SLC25A21: variants seen among roughly 807,000 people sequenced by gnomAD.
The protein encoded by SLC25A21 is solute carrier family 25 member 21.
Under a neutral mutation model 43.8 loss-of-function variants are expected in SLC25A21, and 47 were observed. The observed-to-expected ratio is 1.07, with a 90% confidence interval of 0.85 to 1.37. The LOEUF (loss-of-function observed/expected upper bound fraction) is 1.37. Ranked by LOEUF, SLC25A21 falls within the 40% of genes most tolerant of loss-of-function variation. The probability of loss-of-function intolerance (pLI) is 0.00; values close to 1 mark genes in which losing one functional copy is unlikely to be tolerated. For missense variants in SLC25A21, 352 were observed against 350.2 expected, an observed-to-expected ratio of 1.00 and a Z score of -0.04; for synonymous variants, 131 against 121.3, an observed-to-expected ratio of 1.08 and a Z score of -0.52.
At chr14:37,013,447 C>T (rs7146358) in intron 1 of SLC25A21, among the ~76,000 whole-genome samples, 34,162 of 152,012 alleles carry the variant, frequency 0.22, 4,222 homozygotes, top group South Asian at 0.33. Flanking sequence ...AGGGGGAAAA[C>T]GCTTCATCAG....
At chr14:36,715,256 T>C (rs959686910) in intron 6 of SLC25A21, among the ~76,000 whole-genome samples, 3 of 152,228 alleles carry the variant, frequency 2.0e-5, no homozygotes, top group African/African-American at 7.2e-5. Flanking sequence ...ATAGTGTGTT[T>C]TCTTTCTTCA....
chr14:36,787,700 A>T (rs1227565947), intron 3 of SLC25A21, among the ~76,000 whole-genome samples: 3 of 152,224 alleles, frequency 2.0e-5, no homozygotes, highest in Non-Finnish European at 4.4e-5. Flanking sequence ...GAAACTTTCT[A>T]ACTGAAATAT....
At chr14:37,154,262 CCTGTT>C (rs1251323064) in intron 1 of SLC25A21, among the ~76,000 whole-genome samples, 1 of 152,120 alleles carries the variant, frequency 6.6e-6, no homozygotes, top group Non-Finnish European at 1.5e-5. Context: ...TATCACTAAT[CCTGTT>C]TAGAGCCAAA....
intron 3 of SLC25A21, among the ~76,000 whole-genome samples, chr14:36,781,980 G>C (rs1180916661): frequency 6.6e-6 from 1 of 152,060 alleles, no homozygotes; most frequent in South Asian, 2.1e-4. Flanking sequence ...TTTCTCCTTC[G>C]TTTCTAAAGA....
chr14:36,961,363 C>T lies in SLC25A21; in HGVS notation c.71-86359G>A, dbSNP rs375380251. Among the ~76,000 whole-genome samples, 40 of 152,216 alleles carry T rather than the reference C, an allele frequency of 2.6e-4. No individual in the cohort carries two copies. The East Asian group carries it at 7.4e-3, about 28-fold the overall frequency. On this transcript the variant is annotated intron_variant, in intron 1 of 9. Transcript: ENST00000331299. ...AGTAGCTGGGACTACAGGTGCCTGCCACCGCGCCCAGCTAATTTTTTGTAT... is the reference window on the plus strand; with the variant it reads ...AGTAGCTGGGACTACAGGTGCCTGCTACCGCGCCCAGCTAATTTTTTGTAT...
At chr14:37,011,217 CTTGT>C (rs1379517007) in intron 1 of SLC25A21, among the ~76,000 whole-genome samples, 1 of 152,034 alleles carries the variant, frequency 6.6e-6, no homozygotes, top group Non-Finnish European at 1.5e-5. Context: ...AAGATGAATT[CTTGT>C]TATGTTGCTG....
At chr14:36,828,958 G>A (rs1467915426) in intron 2 of SLC25A21, among the ~76,000 whole-genome samples, 2 of 152,116 alleles carry the variant, frequency 1.3e-5, no homozygotes, top group Non-Finnish European at 2.9e-5. Flanking sequence ...TTGGAGTGGA[G>A]TGGTGAAATC....
intron 3 of SLC25A21, among the ~76,000 whole-genome samples, chr14:36,780,080 A>C (rs1234257355): frequency 6.6e-6 from 1 of 151,796 alleles, no homozygotes; most frequent in Non-Finnish European, 1.5e-5. Context: ...GTAGGCTGTA[A>C]ATTTTTAGGA....
intron 2 of SLC25A21, among the ~76,000 whole-genome samples, chr14:36,858,223 C>T (rs1426398854): frequency 2.6e-5 from 4 of 152,126 alleles, no homozygotes; most frequent in South Asian, 2.1e-4. Context: ...TGTGGTGTCT[C>T]CATCTCTGCC....
Position 36,874,955 on chromosome 14 carries a change from C to T in SLC25A21, c.119+1G>A, listed in dbSNP as rs1890475682. 3 of 1,609,218 alleles carry T rather than the reference C, an allele frequency of 1.9e-6. No individual in the cohort carries two copies. The highest frequency in any genetic ancestry group is 1.3e-5 in the African/African-American group (1 of 74,822). ...TAAAACTTGTTCATGCAGAACCTTA[C>T]CTGGTTTTCACCACATCTAGGGGGT... On this transcript the variant is annotated splice_donor_variant, in intron 2 of 9. Coordinates refer to ENST00000331299, the MANE Select transcript of SLC25A21 (RefSeq NM_030631.4). LOFTEE classifies it high-confidence loss of function.
intron 1 of SLC25A21, among the ~76,000 whole-genome samples, chr14:37,161,294 G>A (rs1191274714): frequency 6.6e-6 from 1 of 152,078 alleles, no homozygotes; most frequent in African/African-American, 2.4e-5. Flanking sequence ...AATTAGGAAT[G>A]AAAAATAGCA....
chr14:37,171,978 C>CT (rs1224960680), intron 1 of SLC25A21: 1 of 414,580 alleles, frequency 2.4e-6, no homozygotes, highest in East Asian at 3.7e-5. Flanking sequence ...AAAAGACCGC[C>CT]TCAAAGTCGC....
At chr14:36,834,071 G>T (rs1283300356) in intron 2 of SLC25A21, among the ~76,000 whole-genome samples, 1 of 152,106 alleles carries the variant, frequency 6.6e-6, no homozygotes, top group Non-Finnish European at 1.5e-5. Flanking sequence ...CTTTTAAAAC[G>T]CTATAAGTGA....
intron 1 of SLC25A21, among the ~76,000 whole-genome samples, chr14:36,888,943 T>C (rs868413679): frequency 2.6e-5 from 4 of 152,372 alleles, no homozygotes; most frequent in Non-Finnish European, 5.9e-5. Context: ...CTTTCTTTAA[T>C]ATGTAGCCAA....
chr14:37,085,020 T>C (rs1240973164), intron 1 of SLC25A21, among the ~76,000 whole-genome samples: 2 of 152,198 alleles, frequency 1.3e-5, no homozygotes, highest in Non-Finnish European at 2.9e-5. Context: ...ATTGTCTGGT[T>C]TTTTTTAACT....
intron 3 of SLC25A21, among the ~76,000 whole-genome samples, chr14:36,772,541 G>A (rs922486769): frequency 2.0e-5 from 3 of 152,184 alleles, no homozygotes; most frequent in Non-Finnish European, 2.9e-5. Flanking sequence ...CACCCTAAGA[G>A]TTAGTGCTTA....
At chr14:37,107,451 G>T (rs10133898) in intron 1 of SLC25A21, among the ~76,000 whole-genome samples, 116,263 of 152,006 alleles carry the variant, frequency 0.76, 48,962 homozygotes, top group South Asian at 0.95. Flanking sequence ...CCAAAGTGCT[G>T]GGATTACAGA....
At chr14:37,160,728 G>A (rs1290424144) in intron 1 of SLC25A21, among the ~76,000 whole-genome samples, 2 of 151,846 alleles carry the variant, frequency 1.3e-5, no homozygotes, top group Non-Finnish European at 2.9e-5. Context: ...TCAGGAGTTC[G>A]AGACCAGCCT....
At chr14:36,892,757 T>A (rs1282699464) in intron 1 of SLC25A21, among the ~76,000 whole-genome samples, 1 of 152,066 alleles carries the variant, frequency 6.6e-6, no homozygotes, top group African/African-American at 2.4e-5. Flanking sequence ...GTCCATGTGT[T>A]CTCAATGTTC....
Sources: allele counts gnomAD v4.1 joint callset (sites outside exome capture counted in the v4.1 genomes callset), GRCh38; gene constraint gnomAD v4.1.1; transcripts MANE v1.5; gene names NCBI Gene and HGNC (gene_info 2026-07-23, HGNC 2026-07-21).